The following LGSN variants were observed in gnomAD, a reference collection of about 807,000 sequenced individuals.
LGSN encodes the protein lengsin, lens protein with glutamine synthetase domain.
Under a neutral mutation model 19.5 loss-of-function variants are expected in LGSN, and 21 were observed. The ratio of observed to expected loss-of-function variants is 1.07; its 90% confidence interval spans 0.76 to 1.55. LGSN has a LOEUF of 1.55. Ranked by LOEUF, LGSN falls within the 40% of genes most tolerant of loss-of-function variation. The probability of loss-of-function intolerance (pLI) is 0.00; values close to 1 mark genes in which losing one functional copy is unlikely to be tolerated. For synonymous variants in LGSN, 257 were observed against 215.6 expected (o/e 1.19, Z -1.68); for missense variants, 673 against 608.5 (o/e 1.11, Z -1.12).
intron 1 of LGSN, among the ~76,000 whole-genome samples, chr6:63,308,824 G>A (rs1768507466): frequency 6.6e-6 from 1 of 152,014 alleles, no homozygotes; most frequent in African/African-American, 2.4e-5. Context: ...ATGTCAAAGA[G>A]GAAAGAATGT....
the LGSN span, among the ~76,000 whole-genome samples, chr6:63,532,841 A>C: frequency 5.3e-5 from 8 of 152,236 alleles, no homozygotes; most frequent in Non-Finnish European, 1.0e-4. Flanking sequence ...TGGAAAAAAA[A>C]ATAGTGCACA....
the LGSN span, among the ~76,000 whole-genome samples, chr6:63,561,478 A>G: frequency 6.6e-6 from 1 of 152,158 alleles, no homozygotes; most frequent in Non-Finnish European, 1.5e-5. Flanking sequence ...GACAACCTTC[A>G]TATCTTTAGA....
chr6:63,289,569 GT>G (rs1325226808), intron 2 of LGSN, among the ~76,000 whole-genome samples: 3 of 151,022 alleles, frequency 2.0e-5, no homozygotes, highest in African/African-American at 7.3e-5. Context: ...AAATCAATGT[GT>G]TTTTATAGAA....
At chr6:63,489,473 A>G in the LGSN span, among the ~76,000 whole-genome samples, 1 of 151,974 alleles carries the variant, frequency 6.6e-6, no homozygotes, top group Non-Finnish European at 1.5e-5. Context: ...GGCTCAAGCA[A>G]TTCTCATGCC....
At chr6:63,340,625 T>A in the LGSN span, among the ~76,000 whole-genome samples, 2 of 151,928 alleles carry the variant, frequency 1.3e-5, no homozygotes, top group Admixed American at 6.5e-5. Context: ...CTTTTTTTTT[T>A]AATGATATCT....
At chr6:63,562,182 A>T in the LGSN span, among the ~76,000 whole-genome samples, 1 of 150,496 alleles carries the variant, frequency 6.6e-6, no homozygotes, top group Middle Eastern at 3.4e-3. Flanking sequence ...TCTTAAAGAC[A>T]TTAAGATATT....
At chr6:63,536,257 G>A in the LGSN span, among the ~76,000 whole-genome samples, 2 of 152,114 alleles carry the variant, frequency 1.3e-5, no homozygotes, top group Non-Finnish European at 2.9e-5. Context: ...TCGAACCTGG[G>A]AGGCGTAGGT....
chr6:63,450,795 C>A, the LGSN span, among the ~76,000 whole-genome samples: 3 of 151,764 alleles, frequency 2.0e-5, no homozygotes, highest in Non-Finnish European at 4.4e-5. Flanking sequence ...GTCTCAGCCA[C>A]CTGAGTAGCT....
At chr6:63,478,867 T>C in the LGSN span, among the ~76,000 whole-genome samples, 384 of 152,346 alleles carry the variant, frequency 2.5e-3, 3 homozygotes, top group African/African-American at 8.7e-3. Flanking sequence ...ATTTTTCCTC[T>C]CTCAGCTTTT....
chr6:63,447,758 C>A, the LGSN span, among the ~76,000 whole-genome samples: 1 of 152,118 alleles, frequency 6.6e-6, no homozygotes, highest in African/African-American at 2.4e-5. Context: ...ATGTCAAAAT[C>A]TTTCATTTAT....
chr6:63,330,537 A>G, the LGSN span, among the ~76,000 whole-genome samples: 1 of 152,194 alleles, frequency 6.6e-6, no homozygotes, highest in African/African-American at 2.4e-5. Flanking sequence ...ACAGGGGAAT[A>G]TATTTTCTTA....
chr6:63,324,934 C>G (rs138367670), upstream of LGSN, among the ~76,000 whole-genome samples: 1 of 151,592 alleles, frequency 6.6e-6, no homozygotes, highest in African/African-American at 2.4e-5. Flanking sequence ...GGTGAAACCC[C>G]GTCCCTACTA....
the LGSN span, among the ~76,000 whole-genome samples, chr6:63,351,872 T>C: frequency 3.0e-3 from 451 of 152,326 alleles, 3 homozygotes; most frequent in African/African-American, 0.01. Flanking sequence ...TGACATATAC[T>C]GTATAGTCTT....
At chr6:63,513,290 G>A in the LGSN span, among the ~76,000 whole-genome samples, 1 of 152,256 alleles carries the variant, frequency 6.6e-6, no homozygotes, top group African/African-American at 2.4e-5. Flanking sequence ...TATGCAGATT[G>A]CCATGAAATC....
chr6:63,450,632 G>A, the LGSN span, among the ~76,000 whole-genome samples: 1 of 150,084 alleles, frequency 6.7e-6, no homozygotes, highest in Admixed American at 6.6e-5. Context: ...AAATAAAAAA[G>A]CAAAAAACAA....
intron 2 of LGSN, among the ~76,000 whole-genome samples, chr6:63,289,264 C>T (rs1333083697): frequency 1.3e-5 from 2 of 152,144 alleles, no homozygotes; most frequent in African/African-American, 2.4e-5. Context: ...TAGTACATAT[C>T]CTAAGCATCG....
At chr6:63,400,995 T>TA in the LGSN span, among the ~76,000 whole-genome samples, 3 of 151,804 alleles carry the variant, frequency 2.0e-5, no homozygotes, top group Non-Finnish European at 4.4e-5. Context: ...ACTCTGTGTT[T>TA]AAAAAAAACA....
the LGSN span, among the ~76,000 whole-genome samples, chr6:63,485,690 G>A: frequency 6.6e-6 from 1 of 152,046 alleles, no homozygotes; most frequent in Non-Finnish European, 1.5e-5. Flanking sequence ...GACCTCTCCA[G>A]CATCTGTTAT....
the LGSN span, chr6:63,443,699 G>A: frequency 3.2e-6 from 1 of 314,184 alleles, no homozygotes. Flanking sequence ...TCAAATGGCT[G>A]CTGATTGGTA....
Sources: allele counts gnomAD v4.1 joint callset (sites outside exome capture counted in the v4.1 genomes callset), GRCh38; gene constraint gnomAD v4.1.1; transcripts MANE v1.5; gene names NCBI Gene and HGNC (gene_info 2026-07-23, HGNC 2026-07-21).